MLLT1: variants seen among roughly 807,000 people sequenced by gnomAD.
MLLT1 encodes MLLT1 super elongation complex subunit.
MLLT1 carries 11 observed loss-of-function variants against 55.1 expected under a neutral mutation model. The ratio of observed to expected loss-of-function variants is 0.20; its 90% CI spans 0.13 to 0.33. MLLT1 has a LOEUF of 0.33. Ranked by LOEUF, MLLT1 falls within the 10% of genes least tolerant of loss-of-function variation. The pLI is 1.00. For missense variants in MLLT1, 536 were observed against 760.6 expected (o/e 0.70, Z 3.47); for synonymous variants, 323 against 320.1 (o/e 1.01, Z -0.10).
chr19:6,235,422 T>C lies in MLLT1; in HGVS notation c.277-4709A>G, dbSNP rs761643508. Among the ~76,000 whole-genome samples, 17 of 152,242 alleles carry C rather than the reference T, an allele frequency of 1.1e-4. No individual in the cohort carries two copies. The highest frequency in any genetic ancestry group is 2.1e-4 in the Non-Finnish European group (14 of 67,988). On this transcript the variant is annotated intron_variant, in intron 3 of 11. Coordinates refer to ENST00000252674, the MANE Select transcript of MLLT1 (RefSeq NM_005934.4). The surrounding 1 kb of genome is among the most constrained non-coding windows in gnomAD (Gnocchi z 5.5). ...CAGCCACAGTGCTCAGCACCCTGCC[T>C]ATCACCCACAGAAGCCGTGAGTGCC...
Position 6,262,449 on chromosome 19 carries a change from G to A in MLLT1, c.194-139C>T. On this transcript the variant is annotated intron_variant, in intron 2 of 11. Transcript: ENST00000252674. This position sits in a 1 kb window ranked among gnomAD's most constrained non-coding sequence, Gnocchi z 4.4. Reference sequence around the variant, plus strand: ...GCCTCTCGGGGGTGGCTTTTCAGGAGGTTAAGCCCCCGACAGGATTGACTT... The same window carrying A: ...GCCTCTCGGGGGTGGCTTTTCAGGAAGTTAAGCCCCCGACAGGATTGACTT... 1.6e-6 allele frequency: 1 copy of A among 628,170 alleles called. No individual in the cohort carries two copies. Among genetic ancestry groups the A allele is most frequent in the South Asian group, 1.9e-5 (1 of 52,208 alleles). 38.9% of individuals were successfully genotyped at this position (628,170 alleles called of 1,614,324 possible).
intron 6 of MLLT1, among the ~76,000 whole-genome samples, chr19:6,220,833 C>T (rs1448551648): frequency 6.6e-6 from 1 of 152,174 alleles, no homozygotes; most frequent in Non-Finnish European, 1.5e-5. Flanking sequence ...GCAGGCACCG[C>T]CAGGCCCTCC....
At chr19:6,213,314 C>G in intron 11 of MLLT1, 23 bp downstream of exon 11, 1 of 1,612,078 alleles carries the variant, frequency 6.2e-7, no homozygotes, top group South Asian at 1.1e-5. Context: ...CTCTGCCGGG[C>G]AGGACCCTCA....
chr19:6,272,445 T>G (rs927218821), intron 1 of MLLT1, among the ~76,000 whole-genome samples: 2 of 152,108 alleles, frequency 1.3e-5, no homozygotes, highest in Non-Finnish European at 2.9e-5. Flanking sequence ...CCTAAGCTCG[T>G]TTCAAAACCC....
intron 2 of MLLT1, among the ~76,000 whole-genome samples, chr19:6,266,190 C>G (rs1335909498): frequency 6.7e-6 from 1 of 149,556 alleles, no homozygotes; most frequent in African/African-American, 2.5e-5. Flanking sequence ...GGCAGGAGGA[C>G]TGCTTCAGCC....
chr19:6,262,414 G>T lies in MLLT1; in HGVS notation c.194-104C>A. The stretch of plus-strand genomic sequence containing the variant: ...CTCAACCCCACCACCTCCTCACAGG[G>T]GCTTGGCTGGCCTCTCGGGGGTGGC... On this transcript the variant is annotated intron_variant, in intron 2 of 11. Coordinates refer to ENST00000252674, the MANE Select transcript of MLLT1 (RefSeq NM_005934.4). This position sits in a 1 kb window ranked among gnomAD's most constrained non-coding sequence, Gnocchi z 4.4. 1 of 914,020 alleles carries T rather than the reference G, an allele frequency of 1.1e-6. No homozygotes were observed. Among genetic ancestry groups the T allele is most frequent in the Non-Finnish European group, 1.7e-6 (1 of 591,048 alleles). 56.6% of individuals were successfully genotyped at this position (914,020 alleles called of 1,614,324 possible).
chr19:6,268,453 G>T (rs546523578), intron 2 of MLLT1, among the ~76,000 whole-genome samples: 1 of 152,196 alleles, frequency 6.6e-6, no homozygotes, highest in African/African-American at 2.4e-5. Context: ...AGACAGCCCC[G>T]GGGAGGGAGG....
In MLLT1 at chr19:6,235,043, A is replaced by G. The variant is rs541848343; in HGVS notation, c.277-4330T>C. 9.2e-5 allele frequency among the ~76,000 whole-genome samples: 14 copies of G among 152,358 alleles called. No homozygotes were observed. The East Asian group carries it at 2.5e-3, about 27-fold the overall frequency. ...ATGGTCCTGGTAGCACTGTCTTGTT[A>G]GAGGCCCCTTTTGAAATATTTACAC... On this transcript the variant is annotated intron_variant, in intron 3 of 11. Transcript: ENST00000252674. This position sits in a 1 kb window ranked among gnomAD's most constrained non-coding sequence, Gnocchi z 5.5.
chr19:6,220,796 C>A (rs369209838), intron 6 of MLLT1, among the ~76,000 whole-genome samples: 1 of 152,198 alleles, frequency 6.6e-6, no homozygotes, highest in African/African-American at 2.4e-5. Context: ...GCTGCACAGG[C>A]AGAGAAGGGG....
intron 1 of MLLT1, among the ~76,000 whole-genome samples, chr19:6,271,016 C>T (rs530647987): frequency 3.9e-5 from 6 of 152,268 alleles, no homozygotes; most frequent in African/African-American, 1.4e-4. Context: ...CCCGCACAGC[C>T]TCCTCACCGG....
rs1215001428 is a variant in MLLT1, at chr19:6,240,678, G to A, written c.277-9965C>T. 1.3e-5 allele frequency among the ~76,000 whole-genome samples: 2 copies of A among 152,096 alleles called. No homozygotes were observed. Among genetic ancestry groups the A allele is most frequent in the Non-Finnish European group, 2.9e-5 (2 of 68,004 alleles). On this transcript the variant is annotated intron_variant, in intron 3 of 11. Coordinates refer to ENST00000252674, the MANE Select transcript of MLLT1 (RefSeq NM_005934.4). This position sits in a 1 kb window ranked among gnomAD's most constrained non-coding sequence, Gnocchi z 4.7. ...AAGCGCTGTGGGGGTGATGTCAGAC[G>A]CACAGGGAGAGACTGGACCCCACAC...
chr19:6,258,671 G>A (rs1422095267), intron 3 of MLLT1, among the ~76,000 whole-genome samples: 1 of 152,214 alleles, frequency 6.6e-6, no homozygotes, highest in Non-Finnish European at 1.5e-5. Flanking sequence ...TACAGGCGAT[G>A]CCATATTCAA....
At chr19:6,217,113 C>G (rs866618981) in intron 7 of MLLT1, 2 of 152,936 alleles carry the variant, frequency 1.3e-5, no homozygotes, top group African/African-American at 4.8e-5. Flanking sequence ...CACATGATCC[C>G]GCTTCAGTAG....
In MLLT1 at chr19:6,231,676, T is replaced by C. The variant is rs1367353305; in HGVS notation, c.277-963A>G. ...GCCACCACGTCTGGCTAATTTTTTG[T>C]ATTTTCAGTAAAGACGGGGTTTCAC... On this transcript the variant is annotated intron_variant, in intron 3 of 11. Transcript: ENST00000252674. This position sits in a 1 kb window ranked among gnomAD's most constrained non-coding sequence, Gnocchi z 5.1. Among the ~76,000 whole-genome samples, 1 of 151,978 alleles carries C rather than the reference T, an allele frequency of 6.6e-6. No homozygotes were observed. The highest frequency in any genetic ancestry group is 1.5e-5 in the Non-Finnish European group (1 of 67,988).
rs765741843 is a variant in MLLT1, at chr19:6,222,304, C to G, written c.927G>C (p.Arg309=). Residue 309 remains arginine, a synonymous_variant, in exon 6 of 12, where the codon CGG becomes CGC. Coordinates refer to ENST00000252674, the MANE Select transcript of MLLT1 (RefSeq NM_005934.4). The surrounding 1 kb of genome is among the most constrained non-coding windows in gnomAD (Gnocchi z 4.1). ...TGCGGGGCGAGGTGCCTGGAGCACT[C>G]CGGGACCCCTTCGAGCTGCTCTTCT... ...KQKKSSSKGS[R]SAPGTSPRTS... The G allele has an allele frequency of 6.2e-7, 1 of 1,601,178 alleles. No individual in the cohort carries two copies. Among genetic ancestry groups the G allele is most frequent in the South Asian group, 1.1e-5 (1 of 89,620 alleles).
intron 8 of MLLT1, 52 bp from the exon 9 acceptor site, chr19:6,214,090 AC>A: frequency 1.1e-6 from 1 of 906,310 alleles, no homozygotes; most frequent in Non-Finnish European, 1.4e-6. Context: ...CACGGCCCCC[AC>A]CCCACCCCCA....
chr19:6,243,618 T>G (rs1204096699), intron 3 of MLLT1, among the ~76,000 whole-genome samples: 1 of 152,008 alleles, frequency 6.6e-6, no homozygotes, highest in Non-Finnish European at 1.5e-5. Context: ...CCCCAGCGGA[T>G]GAGCAGCTCT....
rs2144870478 is a variant in MLLT1 at position 6,227,308 on chromosome 19, AG to A, written c.421-207del. Among the ~76,000 whole-genome samples the A allele has an allele frequency of 6.6e-6, 1 of 152,236 alleles. No homozygotes were observed. Among genetic ancestry groups the A allele is most frequent in the Admixed American group, 6.5e-5 (1 of 15,308 alleles). On this transcript the variant is annotated intron_variant, in intron 4 of 11. Transcript: ENST00000252674. The surrounding 1 kb of genome is among the most constrained non-coding windows in gnomAD (Gnocchi z 5.1). Reference sequence around the variant, plus strand: ...CAGGCATGGGTGGGGAGCGAAGAAAAGCCCAGGGTCCCAGGATGGCTGGGAC... The same window carrying A: ...CAGGCATGGGTGGGGAGCGAAGAAAACCCAGGGTCCCAGGATGGCTGGGAC...
chr19:6,248,713 G>T (rs560181804), intron 3 of MLLT1, among the ~76,000 whole-genome samples: 2 of 152,264 alleles, frequency 1.3e-5, no homozygotes, highest in Admixed American at 1.3e-4. Context: ...TTCCACAACA[G>T]AAAAAGAACA....
Sources: gnomAD v4.1 joint callset for allele counts (sites outside exome capture counted in the v4.1 genomes callset) on GRCh38, gnomAD v4.1.1 for gene constraint, Gnocchi (gnomAD v3.1) non-coding constraint, MANE v1.5 for transcripts, NCBI Gene and HGNC (gene_info 2026-07-23, HGNC 2026-07-21) for gene names.